The following ZNF143 variants were observed in gnomAD, a reference collection of about 807,000 sequenced individuals.
ZNF143 encodes zinc finger protein 143.
ZNF143 carries 49 observed loss-of-function variants against 74.1 expected under a neutral mutation model. That is an observed-to-expected ratio of 0.66 (90% CI 0.53 to 0.84). The LOEUF is 0.84. Among genes scored for constraint, ZNF143 ranks in the 40% least tolerant of loss-of-function variants. ZNF143 has a pLI of 0.00. For missense variants in ZNF143, 637 were observed against 793.4 expected (o/e 0.80, Z 2.37); for synonymous variants, 304 against 282.8 (o/e 1.07, Z -0.75).
At chr11:9,463,321 A>G (rs1366885720) in intron 1 of ZNF143, among the ~76,000 whole-genome samples, 2 of 152,212 alleles carry the variant, frequency 1.3e-5, no homozygotes, top group Admixed American at 1.3e-4. Flanking sequence ...GCTGAGTCAT[A>G]TAGTAACTAT....
At position 9,461,064 on chromosome 11, in the gene ZNF143, A is replaced by T. The variant is rs1855785280; in HGVS notation, c.-20A>T. On this transcript the variant is annotated 5_prime_UTR_variant, in exon 1 of 16. Transcript: ENST00000396602. ...TGGTCGGACGAAGGAATTGTTGGAA[A>T]ATTTTCTCGGAGGTTCGTATATAAA... The T allele has an allele frequency of 1.0e-6, 1 of 985,108 alleles. No homozygotes were observed. The highest frequency in any genetic ancestry group is 1.2e-6 in the Non-Finnish European group (1 of 829,900). 61.0% of individuals were successfully genotyped at this position (985,108 alleles called of 1,614,324 possible). A position where few individuals can be genotyped will look rare whatever the true frequency, so the allele number is the denominator to read the frequency against.
chr11:9,480,293 A>G (rs1407648658), intron 7 of ZNF143, among the ~76,000 whole-genome samples: 2 of 152,182 alleles, frequency 1.3e-5, no homozygotes, highest in African/African-American at 2.4e-5. Flanking sequence ...TGTGGAGGGT[A>G]TGCTTGGAGC....
chr11:9,512,402 C>T (rs1405296758), intron 12 of ZNF143, 46 bp from the exon 13 acceptor site: 3 of 1,584,542 alleles, frequency 1.9e-6, no homozygotes, highest in Non-Finnish European at 2.6e-6. Context: ...ATTTTCTAAA[C>T]AAATTGGTTG....
chr11:9,466,365 G>A (rs1395735706), intron 1 of ZNF143, among the ~76,000 whole-genome samples: 4 of 150,592 alleles, frequency 2.7e-5, no homozygotes, highest in Non-Finnish European at 4.4e-5. Flanking sequence ...ATGTGATCTC[G>A]GCTCACTGCA....
intron 7 of ZNF143, among the ~76,000 whole-genome samples, chr11:9,487,219 G>T (rs1340123808): frequency 7.2e-6 from 1 of 139,232 alleles, no homozygotes; most frequent in Non-Finnish European, 1.6e-5. Context: ...TGCCTGCCTT[G>T]GCCTCCCAAA....
Position 9,497,741 on chromosome 11 carries a change from A to G in ZNF143, c.908A>G (p.Asn303Ser). The stretch of plus-strand genomic sequence containing the variant: ...AAGCCATATCGGTGTTCGGAAGATA[A>G]TTGTACTAAATCTTTCAAAACTTCA... The part of the protein sequence containing the change: ...GEKPYRCSED[N>S]CTKSFKTSGD... The change falls in exon 10 of 16, where the codon AAT (asparagine) becomes AGT (serine). Residue 303 changes from asparagine (N) to serine (S), a missense_variant. By Grantham distance (46) the Asn-to-Ser change is conservative. This residue lies in a region of ZNF143 where 344 missense variants were observed against 485.6 expected (regional missense o/e 0.71). Coordinates refer to ENST00000396602, the MANE Select transcript of ZNF143 (RefSeq NM_003442.6). 7 of 1,609,686 alleles carry G rather than the reference A, an allele frequency of 4.3e-6. No individual in the cohort carries two copies. Among genetic ancestry groups the G allele is most frequent in the Non-Finnish European group, 5.9e-6 (7 of 1,176,538 alleles).
At chr11:9,501,925 C>CT (rs57169874) in intron 11 of ZNF143, among the ~76,000 whole-genome samples, 2,695 of 37,574 alleles carry the variant, frequency 0.072, 653 homozygotes, top group Non-Finnish European at 0.087. Flanking sequence ...TGGATATATT[C>CT]TTTTTTTTTT....
intron 11 of ZNF143, among the ~76,000 whole-genome samples, chr11:9,507,423 A>T (rs1362853227): frequency 6.6e-6 from 1 of 152,152 alleles, no homozygotes; most frequent in Non-Finnish European, 1.5e-5. Context: ...TCATTTGCTC[A>T]GTCTTTTATT....
intron 1 of ZNF143, among the ~76,000 whole-genome samples, chr11:9,469,862 T>C (rs1381901860): frequency 6.6e-6 from 1 of 152,352 alleles, no homozygotes; most frequent in Non-Finnish European, 1.5e-5. Flanking sequence ...CTGACAGTTA[T>C]CATGGCACTG....
intron 11 of ZNF143, among the ~76,000 whole-genome samples, chr11:9,504,673 C>CTTT (rs869310966): frequency 1.3e-4 from 12 of 89,444 alleles, no homozygotes; most frequent in African/African-American, 2.5e-4. Flanking sequence ...TTTCTTTTTT[C>CTTT]TTTTTTTTTT....
chr11:9,509,939 A>G (rs1338127845), intron 12 of ZNF143, among the ~76,000 whole-genome samples: 1 of 152,214 alleles, frequency 6.6e-6, no homozygotes, highest in Non-Finnish European at 1.5e-5. Flanking sequence ...TGTACTGTAT[A>G]TTTGACAATT....
At chr11:9,497,619 T>A in intron 9 of ZNF143, 56 bp from the exon 10 acceptor site, 1 of 1,349,922 alleles carries the variant, frequency 7.4e-7, no homozygotes, top group Non-Finnish European at 1.0e-6. Flanking sequence ...TTATTCTCAG[T>A]GTGCATGTTT....
intron 1 of ZNF143, among the ~76,000 whole-genome samples, chr11:9,467,912 G>C (rs1254805202): frequency 6.7e-6 from 1 of 149,120 alleles, no homozygotes; most frequent in Non-Finnish European, 1.5e-5. Context: ...ATTATCTAAT[G>C]ATGCTTTGCT....
intron 10 of ZNF143, among the ~76,000 whole-genome samples, chr11:9,500,437 A>AT (rs957223525): frequency 3.4e-4 from 51 of 149,460 alleles, no homozygotes; most frequent in Non-Finnish European, 5.2e-4. Context: ...TTAAAACACC[A>AT]TTTTTTTTTC....
In ZNF143 at chr11:9,525,352, T is replaced by C. The variant is rs1458226118; in HGVS notation, c.1799T>C (p.Val600Ala). The change falls in exon 15 of 16, where the codon GTA becomes GCA. Residue 600 changes from valine (V) to alanine (A), a missense_variant. Around this residue, in one of 2 missense-constraint regions of ZNF143, gnomAD observed 344 missense variants for 485.6 expected, o/e 0.71. Coordinates refer to ENST00000396602, the MANE Select transcript of ZNF143 (RefSeq NM_003442.6). ...ACAGAAACCAGACCTCTGACCTTAGTAGCAACATCCAATGGCACCCAGATT... is the reference window on the plus strand; with the variant it reads ...ACAGAAACCAGACCTCTGACCTTAGCAGCAACATCCAATGGCACCCAGATT... Reference protein sequence around the residue: ...VTTETRPLTLVATSNGTQIAV... With the variant: ...VTTETRPLTLAATSNGTQIAV... 2 of 1,614,186 alleles carry C rather than the reference T, an allele frequency of 1.2e-6. No individual in the cohort carries two copies. Among genetic ancestry groups the C allele is most frequent in the African/African-American group, 1.3e-5 (1 of 75,040 alleles).
chr11:9,478,723 C>T, intron 6 of ZNF143, 137 bp downstream of exon 6: 1 of 897,622 alleles, frequency 1.1e-6, no homozygotes, highest in Non-Finnish European at 1.6e-6. Flanking sequence ...ATGGCTCACG[C>T]CTATAACTTC....
chr11:9,508,481 T>G (rs1263517618), intron 11 of ZNF143, 138 bp from the exon 12 acceptor site: 2 of 718,346 alleles, frequency 2.8e-6, no homozygotes, highest in Admixed American at 2.8e-5. Context: ...TCTTTTCTTG[T>G]GTGCTGCCTC....
At position 9,471,316 on chromosome 11, in the gene ZNF143, T is replaced by C; in HGVS notation, c.8T>C (p.Leu3Ser). Residue 3 changes from leucine to serine, a missense_variant, in exon 2 of 16, where the codon TTA (leucine) becomes TCA (serine). By Grantham distance (145) the Leu-to-Ser change is moderately radical (BLOSUM62 -2). This residue lies in a region of ZNF143 where 293 missense variants were observed against 307.8 expected (regional missense o/e 0.95). Coordinates refer to ENST00000396602, the MANE Select transcript of ZNF143 (RefSeq NM_003442.6). The part of the protein sequence containing the change: ML[L>S]AQINRDSQGM... Reference sequence around the variant, plus strand: ...TTTTCTTCAAGGTAGAAGATGTTGTTAGCCCAAATAAATCGAGATTCTCAG... The same window carrying C: ...TTTTCTTCAAGGTAGAAGATGTTGTCAGCCCAAATAAATCGAGATTCTCAG... 2 of 1,609,224 alleles carry C rather than the reference T, an allele frequency of 1.2e-6. No homozygotes were observed. The highest frequency in any genetic ancestry group is 1.1e-5 in the South Asian group (1 of 89,656).
At chr11:9,526,614 T>C (rs1175726829) in intron 15 of ZNF143, among the ~76,000 whole-genome samples, 5 of 151,936 alleles carry the variant, frequency 3.3e-5, no homozygotes, top group African/African-American at 9.7e-5. Flanking sequence ...TTTATTTATG[T>C]AAAAATAAAT....
Sources: gnomAD v4.1 joint callset for allele counts (sites outside exome capture counted in the v4.1 genomes callset) on GRCh38, gnomAD v4.1.1 for gene constraint, gnomAD v4.1.1 regional missense constraint, MANE v1.5 for transcripts, NCBI Gene and HGNC (gene_info 2026-07-23, HGNC 2026-07-21) for gene names.